Variants in NLRC5 observed in about 807,000 individuals in gnomAD.
The protein encoded by NLRC5 is protein NLRC5.
NLRC5 carries 114 observed loss-of-function variants against 206.9 expected under a neutral mutation model. The ratio of observed to expected loss-of-function variants is 0.55; its 90% CI spans 0.47 to 0.64. The LOEUF is 0.64. Among genes scored for constraint, NLRC5 ranks in the 30% least tolerant of loss-of-function variants. The probability of loss-of-function intolerance (pLI) is 0.00; values close to 1 mark genes in which losing one functional copy is unlikely to be tolerated. For missense variants in NLRC5, 2,008 were observed against 2,305.5 expected, an observed-to-expected ratio of 0.87 and a Z score of 2.64; for synonymous variants, 952 against 962.8, an observed-to-expected ratio of 0.99 and a Z score of 0.21.
intron 46 of NLRC5, among the ~76,000 whole-genome samples, chr16:57,079,926 T>C (rs2068916874): frequency 6.6e-6 from 1 of 152,238 alleles, no homozygotes; most frequent in Admixed American, 6.5e-5. Context: ...TGGTCCAACC[T>C]TCCTTTTGGG....
intron 33 of NLRC5, 51 bp from the exon 34 acceptor site, chr16:57,066,483 C>T: frequency 1.3e-6 from 2 of 1,542,316 alleles, no homozygotes; most frequent in Middle Eastern, 1.7e-4. Flanking sequence ...GCCAGCTAGG[C>T]CCTCCGGGGA....
intron 1 of NLRC5, among the ~76,000 whole-genome samples, chr16:57,002,380 T>C (rs2058359955): frequency 6.6e-6 from 1 of 152,156 alleles, no homozygotes; most frequent in Non-Finnish European, 1.5e-5. Context: ...ATGCCTGACC[T>C]CAGGTGATCC....
At chr16:57,024,986 G>A (rs1161432783) in intron 5 of NLRC5, among the ~76,000 whole-genome samples, 1 of 152,096 alleles carries the variant, frequency 6.6e-6, no homozygotes, top group African/African-American at 2.4e-5. Context: ...CTGGAGCCTG[G>A]GCAAGACTGA....
At chr16:57,071,447 G>A (rs566417908) in intron 38 of NLRC5, among the ~76,000 whole-genome samples, 1 of 142,598 alleles carries the variant, frequency 7.0e-6, no homozygotes, top group South Asian at 2.4e-4. Flanking sequence ...GAAGGGTTGT[G>A]AGTGAGTGGT....
intron 29 of NLRC5, 115 bp from the exon 30 acceptor site, chr16:57,059,352 C>T (rs1266045736): frequency 2.0e-6 from 3 of 1,505,630 alleles, no homozygotes; most frequent in Non-Finnish European, 1.8e-6. Context: ...CCTCCATCCT[C>T]CCTTGTCCTT....
chr16:57,064,700 G>T (rs1211194683), intron 32 of NLRC5, among the ~76,000 whole-genome samples: 1 of 152,196 alleles, frequency 6.6e-6, no homozygotes, highest in Non-Finnish European at 1.5e-5. Context: ...GAGGCAGGTG[G>T]ATCACTTGAG....
chr16:57,008,367 A>T (rs7196436), intron 1 of NLRC5, among the ~76,000 whole-genome samples: 3 of 152,146 alleles, frequency 2.0e-5, no homozygotes, highest in Non-Finnish European at 4.4e-5. Flanking sequence ...TATAAATTGA[A>T]CATATAGCTT....
intron 16 of NLRC5, among the ~76,000 whole-genome samples, chr16:57,040,204 C>G (rs2063108321): frequency 6.6e-6 from 1 of 152,158 alleles, no homozygotes; most frequent in Admixed American, 6.5e-5. Context: ...CTTCTGTATC[C>G]CTTTCACACA....
rs775531234 is a variant in NLRC5 at position 57,058,056 on chromosome 16, C to T, written c.3747-9C>T. On this transcript the variant is annotated splice_polypyrimidine_tract_variant and intron_variant, in intron 27 of 48. Transcript: ENST00000688547. ...TCTGATCCCCGCCACTGCTCCTTACCCCCTACAGTCTCTCAGCAAACCTGC... is the reference window on the plus strand; with the variant it reads ...TCTGATCCCCGCCACTGCTCCTTACTCCCTACAGTCTCTCAGCAAACCTGC... 5.0e-6 allele frequency: 8 copies of T among 1,610,290 alleles called. No individual in the cohort carries two copies. In the South Asian group the frequency reaches 6.6e-5, roughly 13 times the overall value.
chr16:57,033,825 T>C (rs545220113), intron 12 of NLRC5, among the ~76,000 whole-genome samples, 156 bp downstream of exon 12: 2 of 152,338 alleles, frequency 1.3e-5, no homozygotes, highest in Non-Finnish European at 2.9e-5. Context: ...TAGCCCATCC[T>C]GGCTTGAATA....
chr16:57,079,977 C>A (rs150366), intron 46 of NLRC5, among the ~76,000 whole-genome samples: 77,059 of 151,840 alleles, frequency 0.51, 20,572 homozygotes, highest in Non-Finnish European at 0.59. Context: ...GATGAAACCT[C>A]CATTTATGAA....
chr16:57,065,435 T>C (rs2066978982), intron 33 of NLRC5, 137 bp downstream of exon 33: 1 of 496,692 alleles, frequency 2.0e-6, no homozygotes, highest in African/African-American at 2.0e-5. Context: ...TAGCAGGAGC[T>C]CCTGGGGCAT....
At position 57,015,296 on chromosome 16, in the gene NLRC5, G is replaced by A. The variant is rs112617510; in HGVS notation, c.-127-1778G>A. On this transcript the variant is annotated intron_variant, in intron 1 of 48. Transcript: ENST00000688547. ...TCCACCCTCTTGACCTAATCACTTCGCAAAGGTCCCACTTCCAAATACCAT... is the reference window on the plus strand; with the variant it reads ...TCCACCCTCTTGACCTAATCACTTCACAAAGGTCCCACTTCCAAATACCAT... Among the ~76,000 whole-genome samples, 650 of 152,200 alleles carry A rather than the reference G, an allele frequency of 4.3e-3. 2 individuals are homozygous for A. The highest frequency in any genetic ancestry group is 0.014 in the African/African-American group (575 of 41,506).
At chr16:57,064,006 G>A (rs2066828191) in intron 32 of NLRC5, among the ~76,000 whole-genome samples, 1 of 151,928 alleles carries the variant, frequency 6.6e-6, no homozygotes, top group African/African-American at 2.4e-5. Flanking sequence ...CCAAAGTGCT[G>A]GGATTACAGG....
chr16:57,037,426 ACC>A (rs2062738544), intron 15 of NLRC5, 142 bp downstream of exon 15: 1 of 710,028 alleles, frequency 1.4e-6, no homozygotes, highest in African/African-American at 1.7e-5. Context: ...TACAGCCGGC[ACC>A]CCTCTTCCTA....
intron 15 of NLRC5, among the ~76,000 whole-genome samples, 157 bp downstream of exon 15, chr16:57,037,441 T>C (rs1180987682): frequency 6.6e-6 from 1 of 152,088 alleles, no homozygotes; most frequent in African/African-American, 2.4e-5. Flanking sequence ...TCTTCCTAGC[T>C]GCTGTGGATA....
intron 23 of NLRC5, 59 bp from the exon 24 acceptor site, chr16:57,051,479 C>T (rs927332312): frequency 1.5e-5 from 19 of 1,285,994 alleles, no homozygotes; most frequent in African/African-American, 2.9e-5. Context: ...GCTATGAGGC[C>T]GTGCTCCCTG....
chr16:57,001,149 G>A (rs2058195189), intron 1 of NLRC5, among the ~76,000 whole-genome samples: 1 of 152,186 alleles, frequency 6.6e-6, no homozygotes, highest in Non-Finnish European at 1.5e-5. Context: ...TAGGATTCAG[G>A]GAGGATTGGA....
rs2065439113 is a variant in NLRC5, at chr16:57,055,091, G to A, written c.3656G>A (p.Cys1219Tyr). 2 of 1,613,998 alleles carry A rather than the reference G, an allele frequency of 1.2e-6. No individual in the cohort carries two copies. Among genetic ancestry groups the A allele is most frequent in the Non-Finnish European group, 1.7e-6 (2 of 1,180,026 alleles). ...AACGAGGAGGAGGAAGGCGTGTGCT[G>A]TGGGTAAGCCCCCTTGAACCATGCC... ...RSNEEEEGVC[C>Y]GRFTGCSLSQ... Residue 1219 changes from cysteine (C) to tyrosine (Y), a missense_variant, in exon 26 of 49, where the codon TGT (cysteine) becomes TAT (tyrosine). By Grantham distance (194) the Cys-to-Tyr change is radical (BLOSUM62 -2). Coordinates refer to ENST00000688547, the MANE Select transcript of NLRC5 (RefSeq NM_001384950.1).
Sources: allele counts gnomAD v4.1 joint callset (sites outside exome capture counted in the v4.1 genomes callset), GRCh38; gene constraint gnomAD v4.1.1; transcripts MANE v1.5; gene names NCBI Gene and HGNC (gene_info 2026-07-23, HGNC 2026-07-21).